Variants in ABCC4 observed in about 807,000 individuals in gnomAD.
The protein encoded by ABCC4 is ATP-binding cassette sub-family C member 4.
In ABCC4, 102 loss-of-function variants were observed where a neutral mutation model predicts 168.5. That is an observed-to-expected ratio of 0.61 (90% CI 0.52 to 0.71). The LOEUF is 0.71. ABCC4 is among the 30% of genes least tolerant of loss of function. ABCC4 has a pLI of 0.00. For missense variants in ABCC4, 1,402 were observed against 1,605.8 expected (o/e 0.87, Z 2.17); for synonymous variants, 617 against 590.7 (o/e 1.04, Z -0.65).
intron 1 of ABCC4, among the ~76,000 whole-genome samples, chr13:95,273,724 A>G (rs1246957382): frequency 3.3e-5 from 5 of 150,628 alleles, no homozygotes; most frequent in Non-Finnish European, 5.9e-5. Context: ...ATCCAATGGG[A>G]GATAATTGAA....
At chr13:95,236,568 A>T (rs1351164018) in intron 3 of ABCC4, among the ~76,000 whole-genome samples, 1 of 149,472 alleles carries the variant, frequency 6.7e-6, no homozygotes, top group African/African-American at 2.5e-5. Context: ...AAATCCCAAC[A>T]AGCCTGTCTC....
chr13:95,177,743 G>T lies in ABCC4; in HGVS notation c.1691C>A (p.Ala564Glu). Reference sequence around the variant, plus strand: ...GTGTCTGCTAACTTCCGCATCTACTGCACTGAGAGGATCGTCCAGGAGATA... The same window carrying T: ...GTGTCTGCTAACTTCCGCATCTACTTCACTGAGAGGATCGTCCAGGAGATA... Reference protein sequence around the residue: ...DIYLLDDPLSAVDAEVSRHLF... With the variant: ...DIYLLDDPLSEVDAEVSRHLF... Residue 564 changes from alanine to glutamate, a missense_variant, in exon 13 of 31, where the codon GCA becomes GAA. Physicochemically the swap from Ala to Glu is moderately radical, Grantham distance 107. Coordinates refer to ENST00000645237, the MANE Select transcript of ABCC4 (RefSeq NM_005845.5). 1 of 1,612,044 alleles carries T rather than the reference G, an allele frequency of 6.2e-7. No individual in the cohort carries two copies. Among genetic ancestry groups the T allele is most frequent in the Non-Finnish European group, 8.5e-7 (1 of 1,178,208 alleles).
intron 7 of ABCC4, 125 bp downstream of exon 7, chr13:95,207,675 G>T (rs888469556): frequency 1.0e-6 from 1 of 968,190 alleles, no homozygotes; most frequent in Non-Finnish European, 1.5e-6. Context: ...TGCCAAGCGT[G>T]GGGACTGGGA....
chr13:95,170,735 T>C, intron 13 of ABCC4, 107 bp from the exon 14 acceptor site: 1 of 634,860 alleles, frequency 1.6e-6, no homozygotes, highest in East Asian at 2.9e-5. Flanking sequence ...TAGTCAAAGA[T>C]CTAGAGGTTA....
chr13:95,106,947 C>T (rs1368894829), intron 20 of ABCC4, among the ~76,000 whole-genome samples: 1 of 152,076 alleles, frequency 6.6e-6, no homozygotes, highest in East Asian at 1.9e-4. Flanking sequence ...AGTTCAGATC[C>T]TTTACAGACA....
At chr13:95,231,959 T>TG (rs1222253362) in intron 4 of ABCC4, among the ~76,000 whole-genome samples, 1 of 152,182 alleles carries the variant, frequency 6.6e-6, no homozygotes, top group Non-Finnish European at 1.5e-5. Flanking sequence ...TTTTAAAGTT[T>TG]GCCAAGTGGA....
chr13:95,206,589 G>A lies in ABCC4; in HGVS notation c.1104C>T (p.Phe368=). ...ACACCCTCTCAATGGCTGAGGGGAA[G>A]AAGAGGGTAACCGTCAGCCGCACAG... The part of the protein sequence containing the change: ...YGAVRLTVTL[F]FPSAIERVSE... The change falls in exon 8 of 31, where the codon TTC becomes TTT. Residue 368 remains phenylalanine (F), a synonymous_variant. Coordinates refer to ENST00000645237, the MANE Select transcript of ABCC4 (RefSeq NM_005845.5). The A allele has an allele frequency of 1.2e-6, 2 of 1,614,194 alleles. No individual in the cohort carries two copies. The highest frequency in any genetic ancestry group is 1.7e-6 in the Non-Finnish European group (2 of 1,180,034).
chr13:95,211,364 G>T (rs983938579), intron 4 of ABCC4, among the ~76,000 whole-genome samples: 1 of 152,164 alleles, frequency 6.6e-6, no homozygotes, highest in Non-Finnish European at 1.5e-5. Flanking sequence ...CCAGACACCT[G>T]TGATTCAACT....
At chr13:95,152,292 C>T (rs2036713263) in intron 19 of ABCC4, among the ~76,000 whole-genome samples, 1 of 152,118 alleles carries the variant, frequency 6.6e-6, no homozygotes, top group African/African-American at 2.4e-5. Flanking sequence ...AGCTGTAAGA[C>T]AAAAAACACT....
intron 1 of ABCC4, among the ~76,000 whole-genome samples, chr13:95,295,445 GT>G (rs1265689409): frequency 6.6e-6 from 1 of 152,034 alleles, no homozygotes; most frequent in Non-Finnish European, 1.5e-5. Context: ...AGATCACAAG[GT>G]CAGAAGATCA....
chr13:95,190,954 G>A (rs1279281807), intron 9 of ABCC4, among the ~76,000 whole-genome samples: 1 of 152,158 alleles, frequency 6.6e-6, no homozygotes, highest in Non-Finnish European at 1.5e-5. Flanking sequence ...ATGAATCAAA[G>A]GCAATGCAGC....
chr13:95,226,386 AT>A (rs1366317563), intron 4 of ABCC4, among the ~76,000 whole-genome samples: 1 of 152,182 alleles, frequency 6.6e-6, no homozygotes, highest in African/African-American at 2.4e-5. Flanking sequence ...GATTCTATCC[AT>A]CTGACTACTA....
chr13:95,240,164 C>CA (rs2039892277), intron 3 of ABCC4, among the ~76,000 whole-genome samples: 1 of 152,144 alleles, frequency 6.6e-6, no homozygotes, highest in South Asian at 2.1e-4. Flanking sequence ...TAGAGGGTCA[C>CA]AAGAGGGGAG....
At chr13:95,077,597 C>G (rs1267240212) in intron 21 of ABCC4, among the ~76,000 whole-genome samples, 1 of 150,952 alleles carries the variant, frequency 6.6e-6, no homozygotes, top group Non-Finnish European at 1.5e-5. Flanking sequence ...CTCAGCCACC[C>G]AAAGTGCTAG....
chr13:95,123,241 T>C (rs2035638532), intron 19 of ABCC4, among the ~76,000 whole-genome samples: 1 of 152,342 alleles, frequency 6.6e-6, no homozygotes, highest in Non-Finnish European at 1.5e-5. Context: ...CTCATTCCTT[T>C]CCTGCTGCTC....
chr13:95,111,467 T>G (rs939932256), intron 20 of ABCC4, among the ~76,000 whole-genome samples: 1 of 152,198 alleles, frequency 6.6e-6, no homozygotes, highest in African/African-American at 2.4e-5. Context: ...AAACTTCCCT[T>G]AATTCTGGCT....
At chr13:95,209,358 T>A in intron 6 of ABCC4, 76 bp downstream of exon 6, 2 of 1,505,044 alleles carry the variant, frequency 1.3e-6, no homozygotes, top group East Asian at 4.6e-5. Flanking sequence ...TTAGTTTGTT[T>A]CTGAACAAAA....
At chr13:95,261,692 T>C (rs949649373) in intron 1 of ABCC4, among the ~76,000 whole-genome samples, 1 of 152,162 alleles carries the variant, frequency 6.6e-6, no homozygotes, top group Admixed American at 6.5e-5. Flanking sequence ...CAATCCTACA[T>C]TGACTGAAGA....
At chr13:95,281,299 CAAAAAAAAAAAAAAAA>C (rs10541756) in intron 1 of ABCC4, among the ~76,000 whole-genome samples, 1 of 48,708 alleles carries the variant, frequency 2.1e-5, no homozygotes, top group Non-Finnish European at 3.6e-5. Context: ...GAGACTCTCT[CAAAAAAAAAAAAAAAA>C]AAAAAAAAAG....
Sources: allele counts gnomAD v4.1 joint callset (sites outside exome capture counted in the v4.1 genomes callset), GRCh38; gene constraint gnomAD v4.1.1; transcripts MANE v1.5; gene names NCBI Gene and HGNC (gene_info 2026-07-23, HGNC 2026-07-21).